The following CNTN1 variants were observed in gnomAD, a reference collection of about 807,000 sequenced individuals.
CNTN1 encodes contactin 1.
A neutral mutation model predicts 126.4 loss-of-function variants in CNTN1; 38 were observed. That is an observed-to-expected ratio of 0.30 (90% CI 0.23 to 0.39). The LOEUF is 0.39. Among genes scored for constraint, CNTN1 ranks in the 10% least tolerant of loss-of-function variants. CNTN1 has a pLI of 1.00. For missense variants in CNTN1, 1,009 were observed against 1,248.4 expected (o/e 0.81, Z 2.89); for synonymous variants, 413 against 422.6 (o/e 0.98, Z 0.28).
intron 1 of CNTN1, among the ~76,000 whole-genome samples, chr12:40,736,544 G>A (rs1365320103): frequency 6.6e-6 from 1 of 152,030 alleles, no homozygotes; most frequent in African/African-American, 2.4e-5. Context: ...ATGAAGTTCA[G>A]AGCAAAAGAG....
intron 1 of CNTN1, among the ~76,000 whole-genome samples, chr12:40,830,962 T>TATATATATACACAC (rs1405165659): frequency 7.8e-6 from 1 of 128,796 alleles, no homozygotes; most frequent in African/African-American, 2.9e-5. Flanking sequence ...TATATATATA[T>TATATATATACACAC]ACACACACAC....
intron 6 of CNTN1, among the ~76,000 whole-genome samples, chr12:40,925,383 T>C (rs1468773214): frequency 1.3e-5 from 2 of 151,570 alleles, no homozygotes; most frequent in Non-Finnish European, 2.9e-5. Context: ...AATTTGACTT[T>C]AAACATCTCC....
intron 1 of CNTN1, among the ~76,000 whole-genome samples, chr12:40,754,730 T>C (rs1204538391): frequency 6.6e-6 from 1 of 152,112 alleles, no homozygotes; most frequent in Non-Finnish European, 1.5e-5. Context: ...GTTATGTTCA[T>C]AGTTTTAAAA....
chr12:40,798,253 G>T (rs1579799), intron 1 of CNTN1, among the ~76,000 whole-genome samples: 143,312 of 151,986 alleles, frequency 0.94, 68,131 homozygotes, highest in East Asian at 1. Context: ...CAGAAGCCAG[G>T]TGAGATGTTG....
intron 1 of CNTN1, among the ~76,000 whole-genome samples, chr12:40,782,468 A>G (rs2136451959): frequency 6.6e-6 from 1 of 152,100 alleles, no homozygotes; most frequent in African/African-American, 2.4e-5. Context: ...AATTTTTGCT[A>G]AAAGTAAGAA....
At chr12:40,799,275 TTGAG>T (rs1217610790) in intron 1 of CNTN1, among the ~76,000 whole-genome samples, 3 of 151,384 alleles carry the variant, frequency 2.0e-5, no homozygotes, top group Non-Finnish European at 2.9e-5. Flanking sequence ...CAATCTATTA[TTGAG>T]TAATTATTTA....
At chr12:40,861,033 C>G (rs1202757014) in intron 1 of CNTN1, among the ~76,000 whole-genome samples, 1 of 152,048 alleles carries the variant, frequency 6.6e-6, no homozygotes, top group Non-Finnish European at 1.5e-5. Flanking sequence ...GACCAAATAT[C>G]TATGTTACCA....
intron 1 of CNTN1, among the ~76,000 whole-genome samples, chr12:40,842,661 G>A (rs1322549819): frequency 1.3e-5 from 2 of 152,060 alleles, no homozygotes; most frequent in African/African-American, 4.8e-5. Context: ...TTCTGTGTAA[G>A]ATTGAAGATT....
chr12:40,767,452 G>A lies in CNTN1; in HGVS notation c.-77+74860G>A, dbSNP rs572122625. Among the ~76,000 whole-genome samples, 14 of 150,186 alleles carry A rather than the reference G, an allele frequency of 9.3e-5. 1 individual carries two copies. The highest frequency in any genetic ancestry group is 3.4e-4 in the African/African-American group (14 of 40,944). On this transcript the variant is annotated intron_variant, in intron 1 of 23. Coordinates refer to ENST00000551295, the MANE Select transcript of CNTN1 (RefSeq NM_001843.4). ...GCCTCCCGAGTAGCTGGGACTACAGGCGTGCACCACCTCGCCCAGCTAATT... is the reference window on the plus strand; with the variant it reads ...GCCTCCCGAGTAGCTGGGACTACAGACGTGCACCACCTCGCCCAGCTAATT...
chr12:40,949,796 G>A (rs531665997), intron 14 of CNTN1, among the ~76,000 whole-genome samples: 16 of 149,918 alleles, frequency 1.1e-4, no homozygotes, highest in East Asian at 2.0e-4. Flanking sequence ...GGCTGGTCTC[G>A]AACTCCTGAC....
intron 1 of CNTN1, among the ~76,000 whole-genome samples, chr12:40,701,670 C>T (rs1442523758): frequency 1.3e-5 from 2 of 151,822 alleles, no homozygotes; most frequent in Non-Finnish European, 1.5e-5. Flanking sequence ...TTCTTTTGGT[C>T]TACTTATATT....
At chr12:40,919,644 A>G (rs1945364268) in intron 4 of CNTN1, among the ~76,000 whole-genome samples, 1 of 152,180 alleles carries the variant, frequency 6.6e-6, no homozygotes, top group African/African-American at 2.4e-5. Context: ...AAGTTCTTAC[A>G]AAAGAGAATA....
chr12:40,988,410 C>T (rs1057223616), intron 16 of CNTN1, among the ~76,000 whole-genome samples: 7 of 152,140 alleles, frequency 4.6e-5, no homozygotes, highest in African/African-American at 1.4e-4. Flanking sequence ...AATGGAGGGG[C>T]TTACATTGGC....
intron 3 of CNTN1, among the ~76,000 whole-genome samples, chr12:40,913,217 A>G (rs1945106281): frequency 1.3e-5 from 2 of 152,208 alleles, no homozygotes; most frequent in Non-Finnish European, 2.9e-5. Context: ...AAGTACTGCA[A>G]TGTTACCTAT....
intron 1 of CNTN1, among the ~76,000 whole-genome samples, chr12:40,824,497 T>C (rs1941545486): frequency 6.6e-6 from 1 of 152,172 alleles, no homozygotes; most frequent in South Asian, 2.1e-4. Context: ...AATATCTCAA[T>C]TTTAGAGATG....
intron 23 of CNTN1, among the ~76,000 whole-genome samples, chr12:41,033,256 A>G (rs539882992): frequency 7.2e-5 from 11 of 152,208 alleles, no homozygotes; most frequent in Non-Finnish European, 1.5e-4. Context: ...TTCATCACAC[A>G]TATACTATCT....
At chr12:40,870,808 A>C (rs1943460890) in intron 1 of CNTN1, among the ~76,000 whole-genome samples, 1 of 152,142 alleles carries the variant, frequency 6.6e-6, no homozygotes. Context: ...AAAGCTTATT[A>C]TCGTTGAGCT....
intron 1 of CNTN1, among the ~76,000 whole-genome samples, chr12:40,744,978 A>G (rs567753166): frequency 3.9e-5 from 6 of 152,088 alleles, no homozygotes; most frequent in Non-Finnish European, 5.9e-5. Context: ...TTGTGATTGG[A>G]CTGTAGCAAT....
chr12:40,952,127 A>ACTGAAC (rs59437314), intron 14 of CNTN1, among the ~76,000 whole-genome samples: 112,261 of 151,542 alleles, frequency 0.74, 42,621 homozygotes, highest in African/African-American at 0.93. Context: ...CTTACCAAAC[A>ACTGAAC]CTAAATCCAG....
Sources: gnomAD v4.1 joint callset for allele counts (sites outside exome capture counted in the v4.1 genomes callset) on GRCh38, gnomAD v4.1.1 for gene constraint, MANE v1.5 for transcripts, NCBI Gene and HGNC (gene_info 2026-07-23, HGNC 2026-07-21) for gene names.